The following TMEM116 variants were observed in gnomAD, a reference collection of about 807,000 sequenced individuals.
TMEM116 encodes the protein transmembrane protein 116.
Under a neutral mutation model 44.3 loss-of-function variants are expected in TMEM116, and 38 were observed. That is an observed-to-expected ratio of 0.86 (90% confidence interval 0.66 to 1.12). The LOEUF (loss-of-function observed/expected upper bound fraction) is 1.12. Ranked by LOEUF, TMEM116 falls within the 50% of genes most tolerant of loss-of-function variation. The pLI is 0.00. For synonymous variants in TMEM116, 132 were observed against 144.8 expected, an observed-to-expected ratio of 0.91 and a Z score of 0.64; for missense variants, 354 against 401.7, an observed-to-expected ratio of 0.88 and a Z score of 1.01.
chr12:111,955,261 G>A lies in TMEM116; in HGVS notation c.211-11892C>T, dbSNP rs757160. Among the ~76,000 whole-genome samples the A allele has an allele frequency of 0.056, 8,549 of 152,082 alleles. 1,303 individuals carry two copies. In the East Asian group the frequency reaches 0.61, roughly 11 times the overall value. On this transcript the variant is annotated intron_variant, in intron 4 of 10. Transcript: ENST00000552374. Reference sequence around the variant, plus strand: ...TGGTGTCTGTGGGTGGCCCAGTCCCGTAGCCCACTCTTTCACTAGATCCCT... The same window carrying A: ...TGGTGTCTGTGGGTGGCCCAGTCCCATAGCCCACTCTTTCACTAGATCCCT...
At chr12:111,947,172 CTT>C (rs76012436) in intron 4 of TMEM116, among the ~76,000 whole-genome samples, 59 of 123,714 alleles carry the variant, frequency 4.8e-4, no homozygotes, top group Non-Finnish European at 5.4e-4. Context: ...CTTTTAAAGA[CTT>C]TTTTTTTTTT....
intron 4 of TMEM116, among the ~76,000 whole-genome samples, chr12:111,959,414 G>A (rs1044635417): frequency 3.9e-5 from 6 of 152,138 alleles, no homozygotes; most frequent in African/African-American, 1.2e-4. Context: ...GTAGACCATC[G>A]ACACTACGAA....
chr12:112,002,103 GAATA>G (rs1465862411), intron 3 of TMEM116, among the ~76,000 whole-genome samples: 1 of 152,126 alleles, frequency 6.6e-6, no homozygotes, highest in Admixed American at 6.5e-5. Flanking sequence ...AATCTATCTA[GAATA>G]AATACTAAAA....
chr12:112,011,950 C>T (rs2077860381), intron 1 of TMEM116: 1 of 152,254 alleles, frequency 6.6e-6, no homozygotes, highest in African/African-American at 2.4e-5. Context: ...TCTAACCTCA[C>T]TCTCCTAGTT....
chr12:111,978,562 A>AT (rs2075786883), intron 4 of TMEM116, among the ~76,000 whole-genome samples: 1 of 152,138 alleles, frequency 6.6e-6, no homozygotes, highest in African/African-American at 2.4e-5. Context: ...AAGGTGAGGC[A>AT]TTTAGAAGGT....
At chr12:111,978,406 A>G (rs1278600796) in intron 4 of TMEM116, among the ~76,000 whole-genome samples, 2 of 98,270 alleles carry the variant, frequency 2.0e-5, no homozygotes, top group African/African-American at 4.6e-5. Flanking sequence ...CAAAAAAAAG[A>G]AAAAAAAAGG....
intron 4 of TMEM116, among the ~76,000 whole-genome samples, chr12:111,958,904 AC>A (rs2074366949): frequency 6.6e-6 from 1 of 152,210 alleles, no homozygotes; most frequent in African/African-American, 2.4e-5. Flanking sequence ...GGAAAATGGA[AC>A]CAAGATGGAA....
At chr12:111,950,500 C>T (rs984963424) in intron 4 of TMEM116, among the ~76,000 whole-genome samples, 17 of 146,766 alleles carry the variant, frequency 1.2e-4, no homozygotes, top group Admixed American at 1.4e-4. Context: ...TCCTTTAGAA[C>T]AGGATAGAGA....
At chr12:111,981,076 A>AG (rs2075913864) in intron 4 of TMEM116, among the ~76,000 whole-genome samples, 1 of 152,128 alleles carries the variant, frequency 6.6e-6, no homozygotes, top group East Asian at 1.9e-4. Context: ...AAAAAAAAAA[A>AG]AAAGAAACTT....
rs2071655541 is a variant in TMEM116 at position 111,931,714 on chromosome 12, T to C, written c.921A>G (p.Pro307=). The change falls in exon 11 of 11, where the codon CCA becomes CCG. Residue 307 remains proline (P), a synonymous_variant. Coordinates refer to ENST00000552374, the MANE Select transcript of TMEM116 (RefSeq NM_001193531.2). ...EARRDADTQT[P]LLCSQKRFYS... ...AGAATCTCTTCTGTGAGCATAATAA[T>C]GGTGTCTGGGTATCTGCATCACGCC... is the stretch of plus-strand genomic sequence containing the variant. 6.2e-7 allele frequency: 1 copy of C among 1,613,892 alleles called. No individual in the cohort carries two copies. The highest frequency in any genetic ancestry group is 1.3e-5 in the African/African-American group (1 of 74,888).
chr12:111,960,723 C>T (rs1219541428), intron 4 of TMEM116, among the ~76,000 whole-genome samples: 12 of 151,822 alleles, frequency 7.9e-5, no homozygotes, highest in Admixed American at 7.9e-4. Flanking sequence ...CAGGAGGAAG[C>T]AAGAAAAATT....
chr12:112,009,863 C>T (rs899696619), intron 1 of TMEM116, among the ~76,000 whole-genome samples: 1 of 149,614 alleles, frequency 6.7e-6, no homozygotes, highest in Admixed American at 6.7e-5. Context: ...AAAAACAAAA[C>T]AAAACCTACT....
At position 111,943,254 on chromosome 12, in the gene TMEM116, A is replaced by G; in HGVS notation, c.315+11T>C. The G allele has an allele frequency of 6.2e-7, 1 of 1,604,640 alleles. No individual in the cohort carries two copies. Among genetic ancestry groups the G allele is most frequent in the Non-Finnish European group, 8.5e-7 (1 of 1,171,458 alleles). ...TACTATTATTAACTATCAGCCCTGA[A>G]TAAAACTTACCAGTGGAGATGTGCT... On this transcript the variant is annotated intron_variant, in intron 5 of 10. Coordinates refer to ENST00000552374, the MANE Select transcript of TMEM116 (RefSeq NM_001193531.2).
At chr12:111,942,787 T>C (rs2072954096) in intron 5 of TMEM116, among the ~76,000 whole-genome samples, 1 of 151,762 alleles carries the variant, frequency 6.6e-6, no homozygotes, top group Non-Finnish European at 1.5e-5. Flanking sequence ...TGTGTGGGTG[T>C]GTGTGTGGGT....
intron 3 of TMEM116, 101 bp from the exon 4 acceptor site, chr12:111,991,990 AT>A: frequency 7.8e-7 from 1 of 1,287,506 alleles, no homozygotes; most frequent in Non-Finnish European, 1.0e-6. Flanking sequence ...GGAAACTGAC[AT>A]CATTTTTCTG....
At chr12:111,963,208 C>T (rs1565907648) in intron 4 of TMEM116, among the ~76,000 whole-genome samples, 1 of 152,134 alleles carries the variant, frequency 6.6e-6, no homozygotes. Context: ...AATAGAAATG[C>T]TTTTACACTG....
chr12:111,982,301 T>A (rs954271965), intron 4 of TMEM116, among the ~76,000 whole-genome samples: 3 of 145,944 alleles, frequency 2.1e-5, no homozygotes, highest in Non-Finnish European at 4.5e-5. Context: ...CATAAATGCA[T>A]ACCTTTTTTT....
chr12:111,935,613 CGT>C (rs35906022), intron 8 of TMEM116: 21,218 of 120,016 alleles, frequency 0.18, 1,693 homozygotes, highest in Non-Finnish European at 0.2. Context: ...TGAGCCATCT[CGT>C]GTGTGTGTGT....
chr12:111,990,373 A>G (rs1200144007), intron 4 of TMEM116, among the ~76,000 whole-genome samples: 4 of 152,202 alleles, frequency 2.6e-5, no homozygotes, highest in Non-Finnish European at 5.9e-5. Flanking sequence ...CTGGCGAAAC[A>G]TTACAAAGTT....
Sources: allele counts gnomAD v4.1 joint callset (sites outside exome capture counted in the v4.1 genomes callset), GRCh38; gene constraint gnomAD v4.1.1; transcripts MANE v1.5; gene names NCBI Gene and HGNC (gene_info 2026-07-23, HGNC 2026-07-21).